The following PDPN variants were observed in gnomAD, a reference collection of about 807,000 sequenced individuals.
PDPN encodes the protein PA2.26 antigen.
Under a neutral mutation model 23.2 loss-of-function variants are expected in PDPN, and 12 were observed. The observed-to-expected ratio is 0.52, with a 90% CI of 0.33 to 0.84. The LOEUF (loss-of-function observed/expected upper bound fraction) is 0.84, where lower values mean the gene tolerates loss of function less well. Ranked by LOEUF, PDPN falls within the 40% of genes least tolerant of loss-of-function variation. PDPN has a pLI of 0.02. For missense variants in PDPN, 199 were observed against 212.2 expected, an observed-to-expected ratio of 0.94 and a Z score of 0.39; for synonymous variants, 77 against 76.7, an observed-to-expected ratio of 1.00 and a Z score of -0.02.
At chr1:13,607,765 GT>G (rs1640828287) in intron 2 of PDPN, among the ~76,000 whole-genome samples, 1 of 152,138 alleles carries the variant, frequency 6.6e-6, no homozygotes, top group South Asian at 2.1e-4. Flanking sequence ...TACAATGAAA[GT>G]TTTCTTGGGT....
In PDPN at chr1:13,614,286, T is replaced by C. The variant is rs1641010635; in HGVS notation, c.371-14T>C. The C allele has an allele frequency of 7.1e-7, 1 of 1,418,180 alleles. No homozygotes were observed. Among genetic ancestry groups the C allele is most frequent in the Non-Finnish European group, 9.9e-7 (1 of 1,010,774 alleles). The allele number at this position is 1,418,180 out of a possible 1,614,324, so 87.8% of individuals were successfully genotyped here. A position where few individuals can be genotyped will look rare whatever the true frequency, so the allele number is the denominator to read the frequency against. ...TCCTCTGGGGCTCATGCTTTTTTTC[T>C]CTCTCTTGTTCAGATGGTTTGTCAA... On this transcript the variant is annotated splice_polypyrimidine_tract_variant and intron_variant, in intron 4 of 5. Transcript: ENST00000621990.
intron 5 of PDPN, among the ~76,000 whole-genome samples, chr1:13,615,020 A>G (rs1259681481): frequency 1.3e-5 from 2 of 152,234 alleles, no homozygotes; most frequent in African/African-American, 4.8e-5. Context: ...ATGCCTAATC[A>G]GCCCGTCTCC....
In PDPN at chr1:13,583,850, C is replaced by T. The variant is rs752160983; in HGVS notation, c.-184C>T. The T allele has an allele frequency of 4.4e-6, 7 of 1,584,014 alleles. No individual in the cohort carries two copies. Among genetic ancestry groups the T allele is most frequent in the Admixed American group, 3.7e-5 (2 of 54,200 alleles). ...AGTTCTCAACTGCAAAGTTTGCTGTCCGGCTGCCTAGGGTCTGGGAAGCTC... is the reference window on the plus strand; with the variant it reads ...AGTTCTCAACTGCAAAGTTTGCTGTTCGGCTGCCTAGGGTCTGGGAAGCTC... On this transcript the variant is annotated 5_prime_UTR_variant, in exon 1 of 6. Transcript: ENST00000621990.
chr1:13,604,982 A>G (rs1340930326), intron 1 of PDPN, among the ~76,000 whole-genome samples: 1 of 152,040 alleles, frequency 6.6e-6, no homozygotes, highest in African/African-American at 2.4e-5. Flanking sequence ...CTCGCTGTAC[A>G]CCCCCAGATT....
chr1:13,610,286 C>T (rs1319371799), intron 2 of PDPN, 101 bp from the exon 3 acceptor site: 2 of 925,500 alleles, frequency 2.2e-6, no homozygotes, highest in African/African-American at 3.4e-5. Context: ...ATCATATGTT[C>T]CATATTTTTA....
At position 13,592,632 on chromosome 1, in the gene PDPN, C is replaced by A. The variant is rs982796416; in HGVS notation, c.67+8532C>A. ...TGGCACGATCTTGGCTCACCGCAAC[C>A]TCCGCTTCCCGGGTTCAAGTGATTC... On this transcript the variant is annotated intron_variant, in intron 1 of 5. Transcript: ENST00000621990. 3.3e-5 allele frequency among the ~76,000 whole-genome samples: 5 copies of A among 151,182 alleles called. No homozygotes were observed. In the Admixed American group the frequency reaches 3.3e-4, roughly 10 times the overall value.
intron 1 of PDPN, among the ~76,000 whole-genome samples, chr1:13,590,496 A>T (rs1230308433): frequency 2.0e-5 from 3 of 152,156 alleles, no homozygotes; most frequent in Admixed American, 6.6e-5. Flanking sequence ...GGAAGATGCG[A>T]CTTTATCTTG....
At chr1:13,585,389 C>A in intron 1 of PDPN, 1 of 829,404 alleles carries the variant, frequency 1.2e-6, no homozygotes, top group Non-Finnish European at 1.6e-6. Context: ...GTGGGTTATT[C>A]GTAGCAGTCC....
At chr1:13,602,697 G>A (rs952419837) in intron 1 of PDPN, among the ~76,000 whole-genome samples, 1 of 151,978 alleles carries the variant, frequency 6.6e-6, no homozygotes, top group Admixed American at 6.5e-5. Context: ...CCAGTAGCTG[G>A]GATTACAGGT....
chr1:13,596,554 G>C, intron 1 of PDPN, among the ~76,000 whole-genome samples: 1 of 152,238 alleles, frequency 6.6e-6, no homozygotes, highest in East Asian at 1.9e-4. Context: ...GCTTGAAGTT[G>C]AGGGCACACA....
chr1:13,604,841 C>T (rs924611614), intron 1 of PDPN, among the ~76,000 whole-genome samples: 2 of 152,126 alleles, frequency 1.3e-5, no homozygotes, highest in African/African-American at 4.8e-5. Context: ...TTGCCTACAC[C>T]ACAAGTCATA....
chr1:13,594,409 A>C (rs1043218051), intron 1 of PDPN, among the ~76,000 whole-genome samples: 1 of 152,184 alleles, frequency 6.6e-6, no homozygotes, highest in Non-Finnish European at 1.5e-5. Flanking sequence ...TGCCCTTGGC[A>C]GCCCCTCCTC....
chr1:13,597,873 G>T (rs1640536489), intron 1 of PDPN, among the ~76,000 whole-genome samples: 1 of 151,968 alleles, frequency 6.6e-6, no homozygotes, highest in African/African-American at 2.4e-5. Flanking sequence ...TACTCGAGAG[G>T]CTAAGGTGGG....
At chr1:13,598,871 C>G (rs188782289) in intron 1 of PDPN, among the ~76,000 whole-genome samples, 4 of 152,092 alleles carry the variant, frequency 2.6e-5, no homozygotes, top group East Asian at 1.9e-4. Context: ...GATGAGGCAG[C>G]CTTTATCAAG....
chr1:13,599,011 C>CTTTTTT (rs35244657), intron 1 of PDPN, among the ~76,000 whole-genome samples: 2 of 127,076 alleles, frequency 1.6e-5, no homozygotes, highest in East Asian at 2.3e-4. Context: ...GCCCCCCCTC[C>CTTTTTT]TTTTTTTTTT....
intron 1 of PDPN, chr1:13,595,806 A>G (rs535105131): frequency 8.4e-7 from 1 of 1,189,394 alleles, no homozygotes. Context: ...ATCTTCAGCT[A>G]TGCCGTCTCT....
At chr1:13,591,875 G>A (rs1640352822) in intron 1 of PDPN, among the ~76,000 whole-genome samples, 1 of 152,166 alleles carries the variant, frequency 6.6e-6, no homozygotes, top group Admixed American at 6.5e-5. Flanking sequence ...AACTTTTTGA[G>A]GAACTGCCAT....
rs534097367 is a variant in PDPN at position 13,613,176 on chromosome 1, A to C, written c.332-511A>C. Among the ~76,000 whole-genome samples the C allele has an allele frequency of 7.2e-5, 11 of 152,296 alleles. No homozygotes were observed. In the South Asian group the frequency reaches 2.3e-3, roughly 32 times the overall value. On this transcript the variant is annotated intron_variant, in intron 3 of 5. Transcript: ENST00000621990. ...CTGGGCCTATTGTTGCCTTGTAAAA[A>C]TTTGGATTTTGCTACCAAAGAAGTA...
intron 3 of PDPN, among the ~76,000 whole-genome samples, chr1:13,613,448 G>C (rs1640985909): frequency 6.6e-6 from 1 of 151,958 alleles, no homozygotes; most frequent in Non-Finnish European, 1.5e-5. Context: ...TTAATACGTA[G>C]AAAAGTGCTA....
Sources: gnomAD v4.1 joint callset for allele counts (sites outside exome capture counted in the v4.1 genomes callset) on GRCh38, gnomAD v4.1.1 for gene constraint, MANE v1.5 for transcripts, NCBI Gene and HGNC (gene_info 2026-07-23, HGNC 2026-07-21) for gene names.